INF2: variants seen among roughly 807,000 people sequenced by gnomAD.
INF2 encodes inverted formin 2, also known as inverted formin-2.
INF2 carries 43 observed loss-of-function variants against 123.5 expected under a neutral mutation model. The ratio of observed to expected loss-of-function variants is 0.35; its 90% confidence interval spans 0.27 to 0.45. INF2 has a LOEUF of 0.45. Ranked by LOEUF, INF2 falls within the 20% of genes least tolerant of loss-of-function variation. The pLI is 1.00. For synonymous variants in INF2, 851 were observed against 745.0 expected (o/e 1.14, Z -2.32); for missense variants, 1,453 against 1,682.7 (o/e 0.86, Z 2.39).
intron 5 of INF2, among the ~76,000 whole-genome samples, chr14:104,705,458 A>G (rs1292509158): frequency 3.3e-5 from 5 of 151,542 alleles, no homozygotes; most frequent in Non-Finnish European, 5.9e-5. Context: ...GTTTGCCCAC[A>G]TGGGTGCCTG....
In INF2 at chr14:104,706,785, C is replaced by A. The variant is rs996142372; in HGVS notation, c.844-125C>A. On this transcript the variant is annotated intron_variant, in intron 6 of 22. Transcript: ENST00000392634. Reference sequence around the variant, plus strand: ...CCAGTACCACAGTCGCTGAAACTCTCATCTCTAGGGATCCGTGGGAATAGA... The same window carrying A: ...CCAGTACCACAGTCGCTGAAACTCTAATCTCTAGGGATCCGTGGGAATAGA... 1.2e-5 allele frequency: 13 copies of A among 1,099,728 alleles called. No homozygotes were observed. In the African/African-American group the frequency reaches 1.4e-4, roughly 12 times the overall value. The allele number at this position is 1,099,728 out of a possible 1,614,324, so 68.1% of individuals were successfully genotyped here.
chr14:104,711,238 C>A, intron 15 of INF2, 52 bp downstream of exon 15: 1 of 1,449,766 alleles, frequency 6.9e-7, no homozygotes, highest in Non-Finnish European at 9.4e-7. Context: ...CCCCCCGGAC[C>A]TGGGGTGTAG....
chr14:104,702,156 C>A (rs761492073), intron 2 of INF2, among the ~76,000 whole-genome samples: 57 of 152,180 alleles, frequency 3.7e-4, no homozygotes, highest in Admixed American at 7.9e-4. Flanking sequence ...ACCTGCCTAG[C>A]TCCAAGCCCT....
At chr14:104,718,318 TG>T (rs1349235219) in intron 22 of INF2, among the ~76,000 whole-genome samples, 1 of 151,582 alleles carries the variant, frequency 6.6e-6, no homozygotes, top group Non-Finnish European at 1.5e-5. Context: ...GGGCCATGTG[TG>T]GGGGCCGTCT....
In INF2 at chr14:104,713,565, G is replaced by A. The variant is rs148541427; in HGVS notation, c.2999G>A (p.Ser1000Asn). The change falls in exon 20 of 23, where the codon AGC becomes AAC. Residue 1000 changes from serine to asparagine, a missense_variant. Physicochemically the swap from Ser to Asn is conservative, Grantham distance 46. Coordinates refer to ENST00000392634, the MANE Select transcript of INF2 (RefSeq NM_022489.4). ...ARGRGDTDGGSKAASMDPPRA... is the reference protein window; with the variant it reads ...ARGRGDTDGGNKAASMDPPRA... ...GGCCGCGGGGACACCGACGGGGGCA[G>A]CAAGGCAGCCTCCATGGATCCCCCA... The A allele has an allele frequency of 4.4e-4, 706 of 1,612,422 alleles. 6 individuals carry two copies. In the African/African-American group the frequency reaches 6.1e-3, roughly 14 times the overall value.
rs150714865 is a variant in INF2, at chr14:104,703,345, C to T, written c.558C>T (p.Ser186=). ...YRFSIVMNEL[S]GSDNVPYVVT... ...TCAGCATTGTCATGAACGAGCTCTC[C>T]GGCAGCGACAACGTGCCCTACGTGG... is the stretch of plus-strand genomic sequence containing the variant. Residue 186 remains serine (S), a synonymous_variant, in exon 4 of 23, where the codon TCC becomes TCT. Transcript: ENST00000392634. The T allele has an allele frequency of 3.7e-4, 599 of 1,613,126 alleles. No individual in the cohort carries two copies. In the African/African-American group the frequency reaches 4.3e-3, roughly 12 times the overall value.
Position 104,701,423 on chromosome 14 carries a change from C to G in INF2, c.58C>G (p.Pro20Ala). 1 of 1,595,872 alleles carries G rather than the reference C, an allele frequency of 6.3e-7. No individual in the cohort carries two copies. Among genetic ancestry groups the G allele is most frequent in the Non-Finnish European group, 8.5e-7 (1 of 1,171,036 alleles). Residue 20 changes from proline (P) to alanine (A), a missense_variant, in exon 2 of 23, where the codon CCA becomes GCA. Around this residue, in one of 8 missense-constraint regions of INF2, gnomAD observed 43 missense variants for 44.7 expected, o/e 0.96. Transcript: ENST00000392634. ...KWAALKEKLG[P>A]QDSDPTEANL... is the part of the protein sequence containing the mutation. ...GGCAGCGCTGAAGGAGAAGCTGGGG[C>G]CACAGGATTCGGACCCCACGGAGGC...
At position 104,701,702 on chromosome 14, in the gene INF2, C is replaced by A; in HGVS notation, c.337C>A (p.Gln113Lys). The A allele has an allele frequency of 6.4e-7, 1 of 1,553,118 alleles. No individual in the cohort carries two copies. Among genetic ancestry groups the A allele is most frequent in the Non-Finnish European group, 8.7e-7 (1 of 1,149,522 alleles). The change falls in exon 2 of 23, where the codon CAG becomes AAG. Residue 113 changes from glutamine (Q) to lysine (K), a missense_variant. By Grantham distance (53) the Gln-to-Lys change is moderately conservative. Transcript: ENST00000392634. ...CGTGCGCGCCGTCATGAACTCGCGG[C>A]AGGGCATCGAGTACATCCTCAGCAA... ...SCVRAVMNSRQGIEYILSNQG... is the reference protein window; with the variant it reads ...SCVRAVMNSRKGIEYILSNQG...
At chr14:104,708,926 G>A (rs902090735) in intron 10 of INF2, among the ~76,000 whole-genome samples, 194 bp downstream of exon 10, 1 of 152,146 alleles carries the variant, frequency 6.6e-6, no homozygotes, top group African/African-American at 2.4e-5. Flanking sequence ...GGGACAGAGC[G>A]CTGGGACCTC....
chr14:104,700,838 G>A (rs1889444523), intron 1 of INF2: 1 of 985,194 alleles, frequency 1.0e-6, no homozygotes, highest in Non-Finnish European at 1.2e-6. Context: ...CGCTGCTGAC[G>A]CTGTGGGCAC....
rs1160360427 is a variant in INF2, at chr14:104,714,759, C to T, written c.3597C>T (p.Thr1199=). 5.0e-6 allele frequency: 8 copies of T among 1,599,450 alleles called. No homozygotes were observed. The highest frequency in any genetic ancestry group is 4.0e-5 in the African/African-American group (3 of 74,446). The change falls in exon 21 of 23, where the codon ACC becomes ACT. Residue 1199 remains threonine, a synonymous_variant. Coordinates refer to ENST00000392634, the MANE Select transcript of INF2 (RefSeq NM_022489.4). Reference sequence around the variant, plus strand: ...AGTCCTTCTCCGAGGATGCGGTGACCGACTCCTCGGGGTCGGGCACACTCC... The same window carrying T: ...AGTCCTTCTCCGAGGATGCGGTGACTGACTCCTCGGGGTCGGGCACACTCC... The part of the protein sequence containing the change: ...LDKSFSEDAV[T]DSSGSGTLPR...
chr14:104,715,819 G>C (rs1463546464), intron 22 of INF2: 2 of 462,406 alleles, frequency 4.3e-6, no homozygotes, highest in Admixed American at 4.7e-5. Flanking sequence ...GGGCCTTCTG[G>C]GGCATGTCCC....
At chr14:104,702,399 A>G (rs1889567277) in intron 2 of INF2, among the ~76,000 whole-genome samples, 1 of 150,338 alleles carries the variant, frequency 6.7e-6, no homozygotes, top group South Asian at 2.1e-4. Context: ...GCCCCAGCTC[A>G]CTTTCCTGTC....
In INF2 at chr14:104,721,228, G is replaced by A. The variant is rs1465358462; in HGVS notation, c.*2435G>A. The A allele has an allele frequency of 5.6e-5, 7 of 125,796 alleles. No individual in the cohort carries two copies. Among genetic ancestry groups the A allele is most frequent in the African/African-American group, 1.2e-4 (4 of 32,026 alleles). The allele number at this position is 125,796 out of a possible 1,614,324, so 7.8% of individuals were successfully genotyped here. On this transcript the variant is annotated 3_prime_UTR_variant, in exon 23 of 23. Transcript: ENST00000392634. ...TGTGGATGCTGCTGTGGACGTCTGC[G>A]TCGTCCTCGTGTGGATGCTGCTGTG...
chr14:104,709,873 C>T (rs1444893185), intron 12 of INF2, among the ~76,000 whole-genome samples, 168 bp downstream of exon 12: 1 of 152,220 alleles, frequency 6.6e-6, no homozygotes, highest in East Asian at 1.9e-4. Context: ...TCGAGCCCCA[C>T]CCCCAGTCCT....
chr14:104,687,154 G>A (rs924387688), upstream of INF2, among the ~76,000 whole-genome samples: 15 of 152,132 alleles, frequency 9.9e-5, no homozygotes, highest in Admixed American at 3.3e-4. This position sits in a 1 kb window ranked among gnomAD's most constrained non-coding sequence, Gnocchi z 5.6. Flanking sequence ...AAGCAGCTCC[G>A]GAAGCCGCAG....
chr14:104,702,947 C>T (rs1889598099), intron 2 of INF2, among the ~76,000 whole-genome samples, 158 bp from the exon 3 acceptor site: 1 of 152,218 alleles, frequency 6.6e-6, no homozygotes, highest in Non-Finnish European at 1.5e-5. Flanking sequence ...AGTGGGGCAC[C>T]TCGTTGGGTC....
At chr14:104,701,013 C>G (rs1047266477) in intron 1 of INF2, 5 of 344,324 alleles carry the variant, frequency 1.5e-5, no homozygotes, top group African/African-American at 1.1e-4. Flanking sequence ...GAGTCCTCCC[C>G]AAGCTCATCC....
Position 104,715,896 on chromosome 14 carries a change from A to AC in INF2, c.*1+562dup, listed in dbSNP as rs940215729. ...TGCTGCCAGGGACAAGTACACTGCA[A>AC]CCCCCCTCCTGTTGGACAGTGTCCT... On this transcript the variant is annotated intron_variant, in intron 22 of 22. Transcript: ENST00000392634. 11 of 456,074 alleles carry AC rather than the reference A, an allele frequency of 2.4e-5. 1 individual carries two copies. The highest frequency in any genetic ancestry group is 9.3e-5 in the South Asian group (6 of 64,518). 28.3% of individuals were successfully genotyped at this position (456,074 alleles called of 1,614,324 possible). A position where few individuals can be genotyped will look rare whatever the true frequency, so the allele number is the denominator to read the frequency against.
Sources: gnomAD v4.1 joint callset for allele counts (sites outside exome capture counted in the v4.1 genomes callset) on GRCh38, gnomAD v4.1.1 for gene constraint, gnomAD v4.1.1 regional missense constraint, Gnocchi (gnomAD v3.1) non-coding constraint, MANE v1.5 for transcripts, NCBI Gene and HGNC (gene_info 2026-07-23, HGNC 2026-07-21) for gene names.